Variants in TARS3 observed in about 807,000 individuals in gnomAD.
TARS3 encodes the protein threonine--tRNA ligase 2, cytoplasmic.
TARS3 carries 94 observed loss-of-function variants against 103.5 expected under a neutral mutation model. That is an observed-to-expected ratio of 0.91 (90% CI 0.77 to 1.08). TARS3 has a LOEUF of 1.08. Among genes scored for constraint, TARS3 ranks in the 50% least tolerant of loss-of-function variants. The probability of loss-of-function intolerance (pLI) is 0.00; values close to 1 mark genes in which losing one functional copy is unlikely to be tolerated. For synonymous variants in TARS3, 416 were observed against 355.4 expected, an observed-to-expected ratio of 1.17 and a Z score of -1.92; for missense variants, 952 against 995.2, an observed-to-expected ratio of 0.96 and a Z score of 0.58.
chr15:101,657,140 T>C (rs1208355858), intron 17 of TARS3, 104 bp from the exon 18 acceptor site: 2 of 710,924 alleles, frequency 2.8e-6, no homozygotes, highest in Non-Finnish European at 4.8e-6. Context: ...TATAGTTCCC[T>C]GCTCACTATA....
chr15:101,714,058 C>T (rs759677087), intron 4 of TARS3, among the ~76,000 whole-genome samples: 1 of 151,974 alleles, frequency 6.6e-6, no homozygotes, highest in Non-Finnish European at 1.5e-5. Context: ...GCTTGAAGGG[C>T]GACTGCAACG....
chr15:101,715,584 C>T (rs1224492884), intron 3 of TARS3, among the ~76,000 whole-genome samples: 2 of 152,190 alleles, frequency 1.3e-5, no homozygotes, highest in African/African-American at 2.4e-5. Context: ...TCCATCCACC[C>T]CACGCACACA....
intron 13 of TARS3, among the ~76,000 whole-genome samples, chr15:101,673,490 C>T (rs1596293970): frequency 1.3e-5 from 2 of 152,302 alleles, no homozygotes; most frequent in Middle Eastern, 6.8e-3. Context: ...GCTACATCAC[C>T]ACCACCACCA....
chr15:101,712,753 G>A (rs530191707), intron 4 of TARS3, among the ~76,000 whole-genome samples: 3 of 152,186 alleles, frequency 2.0e-5, no homozygotes, highest in South Asian at 2.1e-4. Flanking sequence ...TACCAAAGGA[G>A]TAAGATAATC....
At chr15:101,692,013 G>A (rs997276148) in intron 10 of TARS3, among the ~76,000 whole-genome samples, 7 of 152,142 alleles carry the variant, frequency 4.6e-5, no homozygotes, top group Non-Finnish European at 1.5e-5. Context: ...AATCACACAA[G>A]CCAATTCCTC....
chr15:101,711,872 T>C lies in TARS3; in HGVS notation c.812+8A>G, dbSNP rs1596325221. ...CATGCATTCACAAGCCAGTATTCAG[T>C]GTGTTACCTGTCTTCAATGAACATG... On this transcript the variant is annotated splice_region_variant and intron_variant, in intron 5 of 18. Transcript: ENST00000335968. 2 of 1,613,304 alleles carry C rather than the reference T, an allele frequency of 1.2e-6. No individual in the cohort carries two copies. Among genetic ancestry groups the C allele is most frequent in the Admixed American group, 1.7e-5 (1 of 59,932 alleles).
intron 10 of TARS3, among the ~76,000 whole-genome samples, chr15:101,689,872 G>C (rs1898634635): frequency 6.6e-6 from 1 of 152,200 alleles, no homozygotes; most frequent in Non-Finnish European, 1.5e-5. Context: ...GTGCCACCAG[G>C]ATAAGGCGAA....
At chr15:101,657,097 C>A in intron 17 of TARS3, 61 bp from the exon 18 acceptor site, 1 of 1,088,654 alleles carries the variant, frequency 9.2e-7, no homozygotes. Flanking sequence ...AAGAAGACCC[C>A]GTTGTTCCCC....
intron 18 of TARS3, among the ~76,000 whole-genome samples, chr15:101,656,422 A>G (rs888839482): frequency 6.6e-6 from 1 of 152,248 alleles, no homozygotes; most frequent in African/African-American, 2.4e-5. Context: ...TTTTGGAATC[A>G]TTTTTAAAGC....
At chr15:101,708,561 T>G (rs1241785785) in intron 6 of TARS3, among the ~76,000 whole-genome samples, 1 of 152,168 alleles carries the variant, frequency 6.6e-6, no homozygotes, top group Non-Finnish European at 1.5e-5. Flanking sequence ...TAAACACACA[T>G]GTGAAAATTA....
intron 3 of TARS3, among the ~76,000 whole-genome samples, chr15:101,717,778 G>A (rs983312160): frequency 4.6e-5 from 7 of 152,200 alleles, no homozygotes; most frequent in Admixed American, 2.0e-4. Flanking sequence ...GGCCACCCAC[G>A]TCTAGACTGC....
At chr15:101,693,565 T>C in intron 10 of TARS3, among the ~76,000 whole-genome samples, 1 of 152,134 alleles carries the variant, frequency 6.6e-6, no homozygotes, top group East Asian at 1.9e-4. Context: ...TTTACTCTAG[T>C]AAAATGAAAA....
chr15:101,702,060 G>A (rs564038114), intron 9 of TARS3, among the ~76,000 whole-genome samples, 179 bp downstream of exon 9: 1 of 152,356 alleles, frequency 6.6e-6, no homozygotes, highest in East Asian at 1.9e-4. Flanking sequence ...AGGAAGGAAA[G>A]AGGTTAGAAG....
chr15:101,720,481 G>A (rs541402894), intron 3 of TARS3, among the ~76,000 whole-genome samples: 20 of 152,186 alleles, frequency 1.3e-4, no homozygotes, highest in African/African-American at 4.6e-4. Flanking sequence ...TTACTTGATT[G>A]ACGAATAAAG....
intron 4 of TARS3, among the ~76,000 whole-genome samples, chr15:101,713,134 C>G (rs987964685): frequency 6.6e-6 from 1 of 152,228 alleles, no homozygotes; most frequent in Non-Finnish European, 1.5e-5. Flanking sequence ...GGCGAAGACA[C>G]AGGCAATAAA....
intron 15 of TARS3, among the ~76,000 whole-genome samples, chr15:101,663,013 T>A (rs1254121270): frequency 1.3e-5 from 2 of 152,242 alleles, no homozygotes; most frequent in Non-Finnish European, 2.9e-5. Context: ...TTGATTCTTC[T>A]CATTCCAAAG....
At chr15:101,693,449 G>A (rs1412798708) in intron 10 of TARS3, among the ~76,000 whole-genome samples, 1 of 152,068 alleles carries the variant, frequency 6.6e-6, no homozygotes, top group East Asian at 1.9e-4. Flanking sequence ...ATCTCCGCCT[G>A]GCCCCACCCC....
At chr15:101,679,343 T>C (rs566513625) in intron 12 of TARS3, among the ~76,000 whole-genome samples, 11 of 152,360 alleles carry the variant, frequency 7.2e-5, no homozygotes, top group African/African-American at 2.6e-4. Context: ...TCTCTATGTT[T>C]TTCAGATTGT....
chr15:101,714,677 T>A, intron 4 of TARS3, 163 bp downstream of exon 4: 1 of 405,384 alleles, frequency 2.5e-6, no homozygotes. Flanking sequence ...TGTATTTGTA[T>A]ACATTCATGC....
Sources: allele counts gnomAD v4.1 joint callset (sites outside exome capture counted in the v4.1 genomes callset), GRCh38; gene constraint gnomAD v4.1.1; transcripts MANE v1.5; gene names NCBI Gene and HGNC (gene_info 2026-07-23, HGNC 2026-07-21).